The following MYCBPAP variants were observed in gnomAD, a reference collection of about 807,000 sequenced individuals.
The protein encoded by MYCBPAP is MYCBP associated protein.
A neutral mutation model predicts 106.1 loss-of-function variants in MYCBPAP; 60 were observed. That is an observed-to-expected ratio of 0.57 (90% confidence interval 0.46 to 0.70). MYCBPAP has a LOEUF of 0.70. Among genes scored for constraint, MYCBPAP ranks in the 30% least tolerant of loss-of-function variants. The pLI, the probability that MYCBPAP is intolerant of heterozygous loss-of-function variation, is 0.00. For missense variants in MYCBPAP, 1,064 were observed against 1,169.3 expected (o/e 0.91, Z 1.31); for synonymous variants, 407 against 440.6 (o/e 0.92, Z 0.95).
In MYCBPAP at chr17:50,527,351, C is replaced by A; in HGVS notation, c.2234C>A (p.Ala745Asp). 6.2e-7 allele frequency: 1 copy of A among 1,614,136 alleles called. No individual in the cohort carries two copies. The highest frequency in any genetic ancestry group is 8.5e-7 in the Non-Finnish European group (1 of 1,180,018). Reference sequence around the variant, plus strand: ...GCGTTGATGAGGCTCAACAAAGCAGCCCTGGAGCTGTGCCAGAAGCCAAGG... The same window carrying A: ...GCGTTGATGAGGCTCAACAAAGCAGACCTGGAGCTGTGCCAGAAGCCAAGG... The part of the protein sequence containing the change: ...EDALMRLNKA[A>D]LELCQKPRPL... Residue 745 changes from alanine (A) to aspartate (D), a missense_variant, in exon 15 of 19, where the codon GCC (alanine) becomes GAC (aspartate). By Grantham distance (126) the Ala-to-Asp change is moderately radical (BLOSUM62 -2). Transcript: ENST00000323776.
At chr17:50,512,126 T>A (rs1269803002) in intron 1 of MYCBPAP, among the ~76,000 whole-genome samples, 1 of 148,766 alleles carries the variant, frequency 6.7e-6, no homozygotes, top group Non-Finnish European at 1.5e-5. Context: ...CAAACTCGGC[T>A]CACTGCAAGC....
chr17:50,525,389 A>T (rs1208561061), intron 13 of MYCBPAP, among the ~76,000 whole-genome samples: 2 of 152,228 alleles, frequency 1.3e-5, no homozygotes, highest in African/African-American at 4.8e-5. Context: ...TGACAGTAAT[A>T]GCAAACTCTT....
At chr17:50,530,496 C>CTAAAAAAAAAAA (rs1567899333) in intron 18 of MYCBPAP, among the ~76,000 whole-genome samples, 1 of 15,578 alleles carries the variant, frequency 6.4e-5, no homozygotes, top group African/African-American at 2.8e-4. Flanking sequence ...ACTCTTACCT[C>CTAAAAAAAAAAA]CAAAAAAAAA....
chr17:50,528,187 T>C lies in MYCBPAP; in HGVS notation c.2324T>C (p.Leu775Pro). 6.2e-7 allele frequency: 1 copy of C among 1,614,188 alleles called. No individual in the cohort carries two copies. Among genetic ancestry groups the C allele is most frequent in the Non-Finnish European group, 8.5e-7 (1 of 1,180,030 alleles). The change falls in exon 16 of 19, where the codon CTG becomes CCG. Residue 775 changes from leucine (L) to proline (P), a missense_variant. Coordinates refer to ENST00000323776, the MANE Select transcript of MYCBPAP (RefSeq NM_032133.6). Reference sequence around the variant, plus strand: ...CTGTGGCGAGATGTGATTGACAGCCTGGTGGGCCATTCCATGTGGCTGAGG... The same window carrying C: ...CTGTGGCGAGATGTGATTGACAGCCCGGTGGGCCATTCCATGTGGCTGAGG... ...LQLWRDVIDS[L>P]VGHSMWLRSV... is the part of the protein sequence containing the mutation.
At chr17:50,526,414 C>CTATATATT in intron 14 of MYCBPAP, 147 bp downstream of exon 14, 1 of 369,482 alleles carries the variant, frequency 2.7e-6, no homozygotes, top group Non-Finnish European at 4.4e-6. Flanking sequence ...ATCTATCTAT[C>CTATATATT]TATTTATTTA....
chr17:50,523,813 G>C (rs934840766), intron 12 of MYCBPAP, 29 bp downstream of exon 12: 26 of 1,596,984 alleles, frequency 1.6e-5, no homozygotes, highest in Middle Eastern at 1.7e-4. Flanking sequence ...TGGCCCCTGT[G>C]GACATCAGGT....
rs750247077 is a variant in MYCBPAP at position 50,522,017 on chromosome 17, G to A, written c.1193G>A (p.Gly398Asp). The part of the protein sequence containing the change: ...SSSDVSMPIL[G>D]PSLLFCGKPA... The stretch of plus-strand genomic sequence containing the variant: ...TCTGATGTCTCCATGCCTATTCTCG[G>A]CCCTTCTCTGCTGTTCTGTGGGAAG... Residue 398 changes from glycine to aspartate, a missense_variant, in exon 10 of 19, where the codon GGC becomes GAC. Transcript: ENST00000323776. The A allele has an allele frequency of 1.2e-6, 2 of 1,614,048 alleles. No homozygotes were observed. The highest frequency in any genetic ancestry group is 1.7e-6 in the Non-Finnish European group (2 of 1,179,928).
In MYCBPAP at chr17:50,517,591, C is replaced by T. The variant is rs773044342; in HGVS notation, c.365-4C>T. ...CTTTCCCCTTTCTTCTTTTATCCTCCCAGGTCCCGGTGACAGCTTCGATGG... is the reference window on the plus strand; with the variant it reads ...CTTTCCCCTTTCTTCTTTTATCCTCTCAGGTCCCGGTGACAGCTTCGATGG... On this transcript the variant is annotated splice_region_variant and splice_polypyrimidine_tract_variant and intron_variant, in intron 3 of 18. Transcript: ENST00000323776. 1 of 1,614,140 alleles carries T rather than the reference C, an allele frequency of 6.2e-7. No individual in the cohort carries two copies. Among genetic ancestry groups the T allele is most frequent in the Admixed American group, 1.7e-5 (1 of 60,016 alleles).
At position 50,528,727 on chromosome 17, in the gene MYCBPAP, G is replaced by C. The variant is rs748434422; in HGVS notation, c.2440G>C (p.Val814Leu). 13 of 1,614,042 alleles carry C rather than the reference G, an allele frequency of 8.1e-6. No homozygotes were observed. Among genetic ancestry groups the C allele is most frequent in the Non-Finnish European group, 1.0e-5 (12 of 1,179,964 alleles). Residue 814 changes from valine (V) to leucine (L), a missense_variant, in exon 17 of 19, where the codon GTA becomes CTA. By Grantham distance (32) the Val-to-Leu change is conservative (BLOSUM62 1). Coordinates refer to ENST00000323776, the MANE Select transcript of MYCBPAP (RefSeq NM_032133.6). ...ATCACCTCCTATCATGGAAGTGAAG[G>C]TACCTGTGGGGAAAGCTGGGAAGGA... ...QKSPPIMEVK[V>L]PVGKAGKEER...
rs370075599 is a variant in MYCBPAP at position 50,528,853 on chromosome 17, G to A, written c.2553+13G>A. On this transcript the variant is annotated intron_variant, in intron 17 of 18. Transcript: ENST00000323776. ...GCTCGGGAAAGAGGCATGCTGGGGC[G>A]TGGTCTGGGCCAGGTGGGGCTGGGG... 1.1e-3 allele frequency: 1,828 copies of A among 1,612,654 alleles called. 2 individuals carry two copies. Among genetic ancestry groups the A allele is most frequent in the Non-Finnish European group, 1.4e-3 (1,686 of 1,179,886 alleles).
At position 50,521,312 on chromosome 17, in the gene MYCBPAP, G is replaced by A. The variant is rs548900887; in HGVS notation, c.1033-4G>A. Reference sequence around the variant, plus strand: ...CTCATCTTACCTTTCTCCATCTCTCGGAGGATATTGATGGCCTGGAGGTGG... The same window carrying A: ...CTCATCTTACCTTTCTCCATCTCTCAGAGGATATTGATGGCCTGGAGGTGG... On this transcript the variant is annotated splice_region_variant and splice_polypyrimidine_tract_variant and intron_variant, in intron 8 of 18. Coordinates refer to ENST00000323776, the MANE Select transcript of MYCBPAP (RefSeq NM_032133.6). 198 of 1,598,690 alleles carry A rather than the reference G, an allele frequency of 1.2e-4. No homozygotes were observed. Among genetic ancestry groups the A allele is most frequent in the Non-Finnish European group, 1.6e-4 (184 of 1,171,624 alleles).
intron 8 of MYCBPAP, 33 bp from the exon 9 acceptor site, chr17:50,521,283 T>A: frequency 6.3e-7 from 1 of 1,592,788 alleles, no homozygotes; most frequent in Non-Finnish European, 8.6e-7. Context: ...CTGTCTTCAG[T>A]CAGCTCATCT....
Position 50,529,098 on chromosome 17 carries a change from G to C in MYCBPAP, c.2634G>C (p.Leu878Phe), listed in dbSNP as rs61749933. ...IKSASQDRFS[L>F]EDPTPDIILS... ...CTGCAAGTCAGGACAGGTTTTCTTT[G>C]GAAGACCCTACCCCTGACATCATCC... Residue 878 changes from leucine to phenylalanine, a missense_variant, in exon 18 of 19, where the codon TTG becomes TTC. Leu to Phe is a conservative substitution (Grantham distance 22). Transcript: ENST00000323776. 4.4e-4 allele frequency: 708 copies of C among 1,614,052 alleles called. 2 individuals carry two copies. The highest frequency in any genetic ancestry group is 2.7e-3 in the Middle Eastern group (16 of 6,018).
chr17:50,508,320 C>T, upstream of MYCBPAP: 1 of 465,374 alleles, frequency 2.1e-6, no homozygotes, highest in Non-Finnish European at 3.7e-6. Flanking sequence ...CACTCCCACC[C>T]AGCCCTCGGC....
rs765860476 is a variant in MYCBPAP at position 50,528,237 on chromosome 17, G to C, written c.2374G>C (p.Glu792Gln). Reference sequence around the variant, plus strand: ...GTCTGTGCTGGGCCTGCCTGAGAAGGAGACCATCTATTTGAATGTGCCTGA... The same window carrying C: ...GTCTGTGCTGGGCCTGCCTGAGAAGCAGACCATCTATTTGAATGTGCCTGA... ...LRSVLGLPEK[E>Q]TIYLNVPEEQ... Residue 792 changes from glutamate (E) to glutamine (Q), a missense_variant, in exon 16 of 19, where the codon GAG becomes CAG. Coordinates refer to ENST00000323776, the MANE Select transcript of MYCBPAP (RefSeq NM_032133.6). The C allele has an allele frequency of 1.2e-6, 2 of 1,614,052 alleles. No homozygotes were observed.
intron 10 of MYCBPAP, 94 bp from the exon 11 acceptor site, chr17:50,522,845 G>A (rs560553673): frequency 7.6e-7 from 1 of 1,314,208 alleles, no homozygotes; most frequent in Admixed American, 2.1e-5. Flanking sequence ...GACTTGCAGT[G>A]CTAAAGCCAG....
Position 50,519,486 on chromosome 17 carries a change from C to T in MYCBPAP, c.769-154C>T, listed in dbSNP as rs138078338. On this transcript the variant is annotated intron_variant, in intron 6 of 18. Transcript: ENST00000323776. ...ATGACAACAGGGTGTCCAGAAAACACGGCAGTGGATGCTTCTGTTATGCAA... is the reference window on the plus strand; with the variant it reads ...ATGACAACAGGGTGTCCAGAAAACATGGCAGTGGATGCTTCTGTTATGCAA... 555 of 904,728 alleles carry T rather than the reference C, an allele frequency of 6.1e-4. 3 individuals are homozygous for T. In the African/African-American group the frequency reaches 8.8e-3, roughly 14 times the overall value. 56.0% of individuals were successfully genotyped at this position (904,728 alleles called of 1,614,324 possible).
chr17:50,526,209 G>C lies in MYCBPAP; in HGVS notation c.2111G>C (p.Trp704Ser). ...SPDVDSTKSP[W>S]EPDGLPLLEW... The stretch of plus-strand genomic sequence containing the variant: ...GATGTGGACAGCACCAAGAGCCCCT[G>C]GGAGCCGGATGGCCTTCCCCTGCTG... The change falls in exon 14 of 19, where the codon TGG becomes TCG. Residue 704 changes from tryptophan to serine, a missense_variant. Transcript: ENST00000323776. The C allele has an allele frequency of 6.2e-7, 1 of 1,613,178 alleles. No individual in the cohort carries two copies. The highest frequency in any genetic ancestry group is 8.5e-7 in the Non-Finnish European group (1 of 1,179,952).
In MYCBPAP at chr17:50,523,028, C is replaced by T. The variant is rs1184299785; in HGVS notation, c.1347C>T (p.Thr449=). Residue 449 remains threonine (T), a synonymous_variant, in exon 11 of 19, where the codon ACC becomes ACT. Transcript: ENST00000323776. ...SSELTVVNNG[T]VAIWYDWRRQ... is the part of the protein sequence containing the mutation. Reference sequence around the variant, plus strand: ...AACTGACTGTGGTCAATAATGGCACCGTGGCCATTTGGTATGACTGGCGAC... The same window carrying T: ...AACTGACTGTGGTCAATAATGGCACTGTGGCCATTTGGTATGACTGGCGAC... 8.7e-6 allele frequency: 14 copies of T among 1,613,926 alleles called. No homozygotes were observed. In the Middle Eastern group the frequency reaches 4.9e-4, roughly 57 times the overall value.
Sources: gnomAD v4.1 joint callset for allele counts (sites outside exome capture counted in the v4.1 genomes callset) on GRCh38, gnomAD v4.1.1 for gene constraint, MANE v1.5 for transcripts, NCBI Gene and HGNC (gene_info 2026-07-23, HGNC 2026-07-21) for gene names.